The following ZNF407 variants were observed in gnomAD, a reference collection of about 807,000 sequenced individuals.
ZNF407 encodes the protein zinc finger protein 407.
In ZNF407, 17 loss-of-function variants were observed where a neutral mutation model predicts 131.2. The observed-to-expected ratio is 0.13, with a 90% CI of 0.09 to 0.19. The LOEUF (loss-of-function observed/expected upper bound fraction) is 0.19. Ranked by LOEUF, ZNF407 falls within the 10% of genes least tolerant of loss-of-function variation. ZNF407 has a pLI of 1.00. For missense variants in ZNF407, 2,681 were observed against 2,830.6 expected (o/e 0.95, Z 1.20); for synonymous variants, 1,156 against 1,062.0 (o/e 1.09, Z -1.72).
At chr18:74,711,230 C>T (rs540713913) in intron 3 of ZNF407, among the ~76,000 whole-genome samples, 68 of 152,246 alleles carry the variant, frequency 4.5e-4, no homozygotes, top group African/African-American at 1.6e-3. Flanking sequence ...AGCACCCTCC[C>T]CTCACACTCC....
At chr18:74,972,759 T>C (rs968366441) in intron 8 of ZNF407, among the ~76,000 whole-genome samples, 2 of 147,880 alleles carry the variant, frequency 1.4e-5, no homozygotes, top group Non-Finnish European at 1.5e-5. Flanking sequence ...ATATAGCCAA[T>C]CCTGCTTTAA....
chr18:74,662,687 G>A (rs1985764474), intron 3 of ZNF407, among the ~76,000 whole-genome samples: 1 of 152,208 alleles, frequency 6.6e-6, no homozygotes, highest in Admixed American at 6.5e-5. Flanking sequence ...ACAGAAAAAT[G>A]CATTCAACCA....
intron 3 of ZNF407, among the ~76,000 whole-genome samples, chr18:74,717,362 C>G (rs571708715): frequency 8.5e-5 from 13 of 152,244 alleles, no homozygotes; most frequent in African/African-American, 2.9e-4. Context: ...TCTGCAAATA[C>G]TGTAATAGCT....
chr18:74,755,946 T>C (rs1292808337), intron 3 of ZNF407, among the ~76,000 whole-genome samples: 1 of 122,070 alleles, frequency 8.2e-6, no homozygotes. Flanking sequence ...CAGGCTGGAG[T>C]GCAGTGGCCC....
At chr18:74,886,452 A>G (rs988437049) in intron 6 of ZNF407, among the ~76,000 whole-genome samples, 3 of 152,218 alleles carry the variant, frequency 2.0e-5, no homozygotes, top group Non-Finnish European at 4.4e-5. Context: ...ATGAAGGCTC[A>G]GAGAAGGTTT....
At chr18:74,973,128 T>A (rs1599272007) in intron 8 of ZNF407, among the ~76,000 whole-genome samples, 1 of 151,964 alleles carries the variant, frequency 6.6e-6, no homozygotes, top group African/African-American at 2.4e-5. Context: ...ATTCTAGGTT[T>A]TATATATATA....
intron 8 of ZNF407, among the ~76,000 whole-genome samples, chr18:74,977,778 C>G (rs7241873): frequency 7.9e-4 from 120 of 152,302 alleles, no homozygotes; most frequent in Middle Eastern, 3.4e-3. Context: ...CAGTATGACT[C>G]GGAGTAAGTT....
chr18:74,966,457 G>GA (rs1972410618), intron 8 of ZNF407, among the ~76,000 whole-genome samples: 1 of 152,094 alleles, frequency 6.6e-6, no homozygotes, highest in Non-Finnish European at 1.5e-5. Flanking sequence ...AACCTTTATT[G>GA]AAAATGGGTT....
rs775139469 is a variant in ZNF407, at chr18:75,063,472, C to T, written c.5751C>T (p.Ser1917=). 25 of 1,603,684 alleles carry T rather than the reference C, an allele frequency of 1.6e-5. No individual in the cohort carries two copies. Among genetic ancestry groups the T allele is most frequent in the African/African-American group, 2.7e-5 (2 of 74,754 alleles). ...EDGQVIATSQ[S]GAHVGSVVPG... ...GCCAGGTCATCGCCACGAGTCAGAGCGGGGCACATGTAGGCAGCGTGGTGC... is the reference window on the plus strand; with the variant it reads ...GCCAGGTCATCGCCACGAGTCAGAGTGGGGCACATGTAGGCAGCGTGGTGC... The change falls in exon 9 of 9, where the codon AGC becomes AGT. Residue 1917 remains serine, a synonymous_variant. Coordinates refer to ENST00000299687, the MANE Select transcript of ZNF407 (RefSeq NM_017757.3). This position sits in a 1 kb window ranked among gnomAD's most constrained non-coding sequence, Gnocchi z 6.6.
rs562280821 is a variant in ZNF407 at position 75,049,188 on chromosome 18, A to G, written c.5429-13962A>G. 2.0e-3 allele frequency among the ~76,000 whole-genome samples: 303 copies of G among 152,190 alleles called. 6 individuals carry two copies. Among genetic ancestry groups the G allele is most frequent in the African/African-American group, 6.7e-3 (279 of 41,512 alleles). On this transcript the variant is annotated intron_variant, in intron 8 of 8. Coordinates refer to ENST00000299687, the MANE Select transcript of ZNF407 (RefSeq NM_017757.3). ...TGCACACAGAACTAGGCAGATTCAA[A>G]TATCTGGTAATTGCCCAGAAAGTTC... is the stretch of plus-strand genomic sequence containing the variant.
intron 4 of ZNF407, among the ~76,000 whole-genome samples, chr18:74,800,785 A>G (rs534541737): frequency 3.9e-4 from 59 of 152,232 alleles, no homozygotes; most frequent in Admixed American, 1.0e-3. Flanking sequence ...TGTTTCTGAA[A>G]TTAATACGAT....
intron 3 of ZNF407, among the ~76,000 whole-genome samples, chr18:74,762,037 G>GTC (rs923036552): frequency 1.3e-5 from 2 of 151,590 alleles, no homozygotes; most frequent in Admixed American, 6.6e-5. Flanking sequence ...TAGTCAGTCA[G>GTC]TCTCTCTCTC....
intron 3 of ZNF407, among the ~76,000 whole-genome samples, chr18:74,771,747 G>A (rs1235764978): frequency 6.6e-6 from 1 of 151,742 alleles, no homozygotes; most frequent in Non-Finnish European, 1.5e-5. Context: ...AACTGATTGT[G>A]TGGTATTTAT....
At chr18:74,733,771 G>A (rs1160590641) in intron 3 of ZNF407, among the ~76,000 whole-genome samples, 1 of 152,170 alleles carries the variant, frequency 6.6e-6, no homozygotes, top group Non-Finnish European at 1.5e-5. Flanking sequence ...TGGACAATTA[G>A]TGTCGTAACA....
intron 3 of ZNF407, among the ~76,000 whole-genome samples, chr18:74,694,625 A>G (rs1029765923): frequency 1.3e-4 from 20 of 152,218 alleles, no homozygotes; most frequent in Non-Finnish European, 2.6e-4. Flanking sequence ...TAGGTGATAC[A>G]CTGTGCTCTG....
intron 4 of ZNF407, among the ~76,000 whole-genome samples, chr18:74,872,659 A>G (rs547958184): frequency 1.3e-5 from 2 of 151,868 alleles, no homozygotes; most frequent in Non-Finnish European, 2.9e-5. Context: ...TGGGAGGCTG[A>G]AGCAGGGGAA....
intron 8 of ZNF407, among the ~76,000 whole-genome samples, chr18:75,035,248 T>A (rs1333017808): frequency 3.9e-5 from 6 of 152,248 alleles, no homozygotes; most frequent in Non-Finnish European, 5.9e-5. Flanking sequence ...TTGTCTCTGT[T>A]ACCCTGCTTT....
intron 6 of ZNF407, among the ~76,000 whole-genome samples, chr18:74,885,159 A>C (rs1324709900): frequency 1.3e-5 from 2 of 152,160 alleles, no homozygotes; most frequent in Admixed American, 1.3e-4. Flanking sequence ...TTATACAGCA[A>C]CCATAATCAT....
chr18:74,816,773 A>AT (rs1255991344), intron 4 of ZNF407, among the ~76,000 whole-genome samples: 1 of 152,158 alleles, frequency 6.6e-6, no homozygotes, highest in Non-Finnish European at 1.5e-5. Flanking sequence ...TATATTAATG[A>AT]TTTTGAGTTT....
Sources: gnomAD v4.1 joint callset for allele counts (sites outside exome capture counted in the v4.1 genomes callset) on GRCh38, gnomAD v4.1.1 for gene constraint, Gnocchi (gnomAD v3.1) non-coding constraint, MANE v1.5 for transcripts, NCBI Gene and HGNC (gene_info 2026-07-23, HGNC 2026-07-21) for gene names.